The following FAM149B1 variants were observed in gnomAD, a reference collection of about 807,000 sequenced individuals.
FAM149B1 encodes the protein family with sequence similarity 149 member B1.
A neutral mutation model predicts 75.3 loss-of-function variants in FAM149B1; 56 were observed. The ratio of observed to expected loss-of-function variants is 0.74; its 90% CI spans 0.60 to 0.93. FAM149B1 has a LOEUF of 0.93. Ranked by LOEUF, FAM149B1 falls within the 40% of genes least tolerant of loss-of-function variation. The pLI, the probability that FAM149B1 is intolerant of heterozygous loss-of-function variation, is 0.00. For synonymous variants in FAM149B1, 259 were observed against 256.1 expected, an observed-to-expected ratio of 1.01 and a Z score of -0.11; for missense variants, 639 against 708.4, an observed-to-expected ratio of 0.90 and a Z score of 1.11.
chr10:73,227,753 C>T (rs2043586826), intron 7 of FAM149B1, among the ~76,000 whole-genome samples: 1 of 152,148 alleles, frequency 6.6e-6, no homozygotes, highest in African/African-American at 2.4e-5. Context: ...GTGGCTACTA[C>T]CACACTGGAC....
intron 13 of FAM149B1, among the ~76,000 whole-genome samples, chr10:73,240,447 T>G (rs1333954295): frequency 6.6e-6 from 1 of 152,168 alleles, no homozygotes; most frequent in Non-Finnish European, 1.5e-5. Flanking sequence ...GCGTGGTGGC[T>G]CATGCCTGTA....
rs1398498062 is a variant in FAM149B1 at position 73,210,253 on chromosome 10, A to T, written c.713A>T (p.Glu238Val). 26 of 1,549,386 alleles carry T rather than the reference A, an allele frequency of 1.7e-5. No homozygotes were observed. The highest frequency in any genetic ancestry group is 2.2e-5 in the Non-Finnish European group (25 of 1,145,374). Residue 238 changes from glutamate (E) to valine (V), a missense_variant and splice_region_variant, in exon 7 of 14, where the codon GAA becomes GTA. Coordinates refer to ENST00000242505, the MANE Select transcript of FAM149B1 (RefSeq NM_173348.2). The stretch of plus-strand genomic sequence containing the variant: ...TTTCCTTCTTGCTTCTGTTACAGAG[A>T]AGAGGGATTTCATGGGAAGAAATCA... ...EYLAFDHIDIEEGFHGKKSEA... is the reference protein window; with the variant it reads ...EYLAFDHIDIVEGFHGKKSEA...
intron 7 of FAM149B1, among the ~76,000 whole-genome samples, chr10:73,223,224 G>A (rs116806074): frequency 0.26 from 6,495 of 24,548 alleles, 427 homozygotes; most frequent in African/African-American, 0.45. Context: ...TACTTAATCC[G>A]TACCCCCACA....
Position 73,191,869 on chromosome 10 carries a change from T to C in FAM149B1, c.283-687T>C, listed in dbSNP as rs144194133. On this transcript the variant is annotated intron_variant, in intron 3 of 13. Transcript: ENST00000242505. ...TTCAAAGTGTTTACAATTAATACTGTATATAAGAATATGTTACTTTTAAAA... is the reference window on the plus strand; with the variant it reads ...TTCAAAGTGTTTACAATTAATACTGCATATAAGAATATGTTACTTTTAAAA... Among the ~76,000 whole-genome samples, 44 of 152,304 alleles carry C rather than the reference T, an allele frequency of 2.9e-4. No individual in the cohort carries two copies. The East Asian group carries it at 5.6e-3, about 19-fold the overall frequency.
chr10:73,224,587 T>A (rs978240820), intron 7 of FAM149B1, among the ~76,000 whole-genome samples: 3 of 151,422 alleles, frequency 2.0e-5, no homozygotes, highest in Admixed American at 6.6e-5. Context: ...TTCTCCTGCC[T>A]CAGCCTCCCG....
At chr10:73,240,452 C>T (rs1177928689) in intron 13 of FAM149B1, among the ~76,000 whole-genome samples, 1 of 152,184 alleles carries the variant, frequency 6.6e-6, no homozygotes, top group Non-Finnish European at 1.5e-5. Flanking sequence ...GTGGCTCATG[C>T]CTGTAATCCC....
intron 7 of FAM149B1, among the ~76,000 whole-genome samples, chr10:73,225,336 G>A (rs1442287229): frequency 2.6e-5 from 4 of 152,164 alleles, no homozygotes; most frequent in South Asian, 4.1e-4. Flanking sequence ...ACCTTCCGGT[G>A]GGACAGGAAG....
rs773054125 is a variant in FAM149B1 at position 73,230,390 on chromosome 10, G to A, written c.1024-32G>A. On this transcript the variant is annotated intron_variant, in intron 8 of 13. Transcript: ENST00000242505. Reference sequence around the variant, plus strand: ...AACCAAACAGGTATCTTCTCCAACCGATCAAGAGTACTGTCTTCTTTCAAC... The same window carrying A: ...AACCAAACAGGTATCTTCTCCAACCAATCAAGAGTACTGTCTTCTTTCAAC... The A allele has an allele frequency of 5.3e-5, 63 of 1,198,170 alleles. No homozygotes were observed. In the African/African-American group the frequency reaches 5.3e-4, roughly 10 times the overall value. 74.2% of individuals were successfully genotyped at this position (1,198,170 alleles called of 1,614,324 possible).
rs2133405502 is a variant in FAM149B1, at chr10:73,233,097, TCAGCACGAGC to T, written c.1289_1298del (p.Ser430IlefsTer34). The T allele has an allele frequency of 6.4e-7, 1 of 1,551,636 alleles. No homozygotes were observed. The highest frequency in any genetic ancestry group is 8.7e-7 in the Non-Finnish European group (1 of 1,146,988). ...CCACCACCACGAACTCTTCATCCGA[TCAGCACGAGC>T]CATTCATGTGCTGAAACACCAAGAT... On this transcript the variant is annotated frameshift_variant, in exon 10 of 14. Transcript: ENST00000242505. LOFTEE classifies it high-confidence loss of function.
chr10:73,239,595 A>C (rs113995570), intron 13 of FAM149B1, among the ~76,000 whole-genome samples: 1 of 152,036 alleles, frequency 6.6e-6, no homozygotes, highest in African/African-American at 2.4e-5. Context: ...AAAAAGTTTC[A>C]GATTCCTATT....
At chr10:73,198,165 C>T (rs544605373) in intron 5 of FAM149B1, among the ~76,000 whole-genome samples, 16 of 152,278 alleles carry the variant, frequency 1.1e-4, no homozygotes, top group African/African-American at 3.9e-4. Context: ...TGCAGAACAA[C>T]GAAGTTGGAC....
At chr10:73,213,932 G>A (rs988588854) in intron 7 of FAM149B1, among the ~76,000 whole-genome samples, 11 of 151,998 alleles carry the variant, frequency 7.2e-5, no homozygotes, top group African/African-American at 2.4e-4. Flanking sequence ...TTAACAATAT[G>A]GATTCTTTCA....
chr10:73,236,077 A>G (rs1360662248), intron 12 of FAM149B1, among the ~76,000 whole-genome samples: 1 of 152,190 alleles, frequency 6.6e-6, no homozygotes, highest in African/African-American at 2.4e-5. Context: ...TAGTGTTTGC[A>G]GCACACTTGT....
chr10:73,209,464 C>CAA (rs1399044866), intron 6 of FAM149B1, among the ~76,000 whole-genome samples: 1 of 151,668 alleles, frequency 6.6e-6, no homozygotes, highest in Non-Finnish European at 1.5e-5. Flanking sequence ...CAAAACAAAA[C>CAA]AAAAAAGAAA....
Position 73,214,833 on chromosome 10 carries a change from C to G in FAM149B1, c.898+4395C>G, listed in dbSNP as rs1361417288. Reference sequence around the variant, plus strand: ...CATAGAATAAGTTAAGGAGAATTCCCTCCTTTTTAATTTTTTTGGAGTAGT... The same window carrying G: ...CATAGAATAAGTTAAGGAGAATTCCGTCCTTTTTAATTTTTTTGGAGTAGT... On this transcript the variant is annotated intron_variant, in intron 7 of 13. Transcript: ENST00000242505. 3.3e-5 allele frequency among the ~76,000 whole-genome samples: 5 copies of G among 152,042 alleles called. No homozygotes were observed. In the South Asian group the frequency reaches 8.3e-4, roughly 25 times the overall value.
chr10:73,233,194 C>T (rs1253813837), intron 10 of FAM149B1, 31 bp downstream of exon 10: 16 of 1,414,288 alleles, frequency 1.1e-5, no homozygotes, highest in East Asian at 2.5e-5. Context: ...TTCTGGAAAC[C>T]GTGGTAAAAC....
intron 5 of FAM149B1, among the ~76,000 whole-genome samples, chr10:73,207,437 G>C (rs559189810): frequency 6.6e-6 from 1 of 152,066 alleles, no homozygotes; most frequent in Non-Finnish European, 1.5e-5. Context: ...AGTGGTGCTC[G>C]CCTGTAATCC....
At chr10:73,178,106 AAAG>A in intron 3 of FAM149B1, 131 bp downstream of exon 3, 1 of 979,542 alleles carries the variant, frequency 1.0e-6, no homozygotes, top group Non-Finnish European at 1.4e-6. Flanking sequence ...TAATAACTGT[AAAG>A]AAGTATCAGT....
rs568735567 is a variant in FAM149B1, at chr10:73,227,802, T to C, written c.899-258T>C. ...AATATTTCTGTCAACTCCAAAGGTA[T>C]GTAGGACAACTGTGCCCTAGAGATC... On this transcript the variant is annotated intron_variant, in intron 7 of 13. Transcript: ENST00000242505. 5.9e-5 allele frequency among the ~76,000 whole-genome samples: 9 copies of C among 152,300 alleles called. No homozygotes were observed. In the East Asian group the frequency reaches 1.7e-3, roughly 29 times the overall value.
Sources: allele counts gnomAD v4.1 joint callset (sites outside exome capture counted in the v4.1 genomes callset), GRCh38; gene constraint gnomAD v4.1.1; transcripts MANE v1.5; gene names NCBI Gene and HGNC (gene_info 2026-07-23, HGNC 2026-07-21).